USH1C: variants seen among roughly 807,000 people sequenced by gnomAD.
USH1C encodes the protein harmonin.
Under a neutral mutation model 119.3 loss-of-function variants are expected in USH1C, and 90 were observed. The observed-to-expected ratio is 0.75, with a 90% CI of 0.64 to 0.90. The LOEUF (loss-of-function observed/expected upper bound fraction) is 0.90. USH1C is among the 40% of genes least tolerant of loss of function. USH1C has a pLI of 0.00. For missense variants in USH1C, 1,165 were observed against 1,167.7 expected (o/e 1.00, Z 0.03); for synonymous variants, 465 against 443.3 (o/e 1.05, Z -0.62).
At chr11:17,537,767 T>A (rs917324089) in intron 1 of USH1C, among the ~76,000 whole-genome samples, 1 of 152,142 alleles carries the variant, frequency 6.6e-6, no homozygotes, top group Non-Finnish European at 1.5e-5. Flanking sequence ...GGCTCACTTA[T>A]CCCAGCCAGC....
intron 8 of USH1C, among the ~76,000 whole-genome samples, chr11:17,525,695 G>A (rs1398111637): frequency 6.6e-6 from 1 of 152,194 alleles, no homozygotes; most frequent in African/African-American, 2.4e-5. Context: ...TGCCTCTTAA[G>A]GAAGCCAACA....
At position 17,516,104 on chromosome 11, in the gene USH1C, T is replaced by C. The variant is rs1044202471; in HGVS notation, c.1260+137A>G. The C allele has an allele frequency of 2.0e-5, 19 of 946,696 alleles. No homozygotes were observed. In the African/African-American group the frequency reaches 2.9e-4, roughly 15 times the overall value. 58.6% of individuals were successfully genotyped at this position (946,696 alleles called of 1,614,324 possible). A position where few individuals can be genotyped will look rare whatever the true frequency, so the allele number is the denominator to read the frequency against. On this transcript the variant is annotated intron_variant, in intron 15 of 26. Coordinates refer to ENST00000005226, the MANE Select transcript of USH1C (RefSeq NM_153676.4). ...ATTTGATGTCAGCCTGACACAAAGA[T>C]GGAGATGGAGTTAGCCTTCCAAGTG...
chr11:17,498,755 C>T (rs59146517), intron 23 of USH1C, among the ~76,000 whole-genome samples: 69 of 152,326 alleles, frequency 4.5e-4, no homozygotes, highest in African/African-American at 1.5e-3. Flanking sequence ...CCCGCTCAGT[C>T]GAATGTAGAT....
intron 15 of USH1C, among the ~76,000 whole-genome samples, chr11:17,515,738 G>A (rs895623934): frequency 1.3e-5 from 2 of 152,152 alleles, no homozygotes; most frequent in African/African-American, 4.8e-5. Context: ...GCATTATCCT[G>A]GGCACATGCA....
intron 8 of USH1C, among the ~76,000 whole-genome samples, chr11:17,525,343 G>A (rs1400982772): frequency 6.6e-6 from 1 of 152,184 alleles, no homozygotes; most frequent in African/African-American, 2.4e-5. Context: ...CCAGAAAGGT[G>A]GGACTTTTTA....
intron 15 of USH1C, among the ~76,000 whole-genome samples, chr11:17,514,288 G>A (rs2003508): frequency 0.5 from 75,755 of 152,040 alleles, 19,931 homozygotes; most frequent in East Asian, 0.63. Context: ...GTGCAATCTC[G>A]GCTCACTGCA....
intron 21 of USH1C, 99 bp downstream of exon 21, chr11:17,501,840 G>A: frequency 7.2e-7 from 1 of 1,396,158 alleles, no homozygotes; most frequent in Non-Finnish European, 9.9e-7. Context: ...CCTCATCCCA[G>A]GACCCCAAGG....
In USH1C at chr11:17,533,257, G is replaced by A. The variant is rs1348962484; in HGVS notation, c.102C>T (p.His34=). 1.9e-6 allele frequency: 3 copies of A among 1,613,446 alleles called. No homozygotes were observed. Among genetic ancestry groups the A allele is most frequent in the East Asian group, 4.5e-5 (2 of 44,878 alleles). The change falls in exon 2 of 27, where the codon CAC becomes CAT. Residue 34 remains histidine (H), a splice_region_variant and synonymous_variant. Transcript: ENST00000005226. ...AGAGCTGGACCCAGCACACTTACTG[G>A]TGGTACATTCGCAGCACATCATAGA... is the stretch of plus-strand genomic sequence containing the variant. ...DYLYDVLRMY[H]QTMDVAVLVG...
intron 23 of USH1C, among the ~76,000 whole-genome samples, 169 bp downstream of exon 23, chr11:17,500,882 T>A (rs1254767887): frequency 6.6e-6 from 1 of 152,104 alleles, no homozygotes; most frequent in Non-Finnish European, 1.5e-5. Flanking sequence ...CCCGGCGCCA[T>A]CCCATGCCCC....
At chr11:17,541,687 G>C (rs1035102983) in intron 1 of USH1C, among the ~76,000 whole-genome samples, 1 of 152,208 alleles carries the variant, frequency 6.6e-6, no homozygotes, top group African/African-American at 2.4e-5. Context: ...CTAGTTACTG[G>C]AAGGGTATGC....
At chr11:17,500,374 G>C (rs1418296264) in intron 23 of USH1C, among the ~76,000 whole-genome samples, 3 of 152,192 alleles carry the variant, frequency 2.0e-5, no homozygotes, top group Non-Finnish European at 4.4e-5. Flanking sequence ...TAACCTCTCT[G>C]AGCCTCAGTT....
intron 20 of USH1C, among the ~76,000 whole-genome samples, chr11:17,503,799 T>A (rs1849535327): frequency 6.6e-6 from 1 of 152,212 alleles, no homozygotes; most frequent in African/African-American, 2.4e-5. Flanking sequence ...ATAAAATGGG[T>A]ATGATAATAG....
chr11:17,531,697 TG>T lies in USH1C; in HGVS notation c.105-156del, dbSNP rs1850993865. 1.3e-5 allele frequency among the ~76,000 whole-genome samples: 2 copies of T among 152,316 alleles called. No individual in the cohort carries two copies. The highest frequency in any genetic ancestry group is 1.3e-4 in the Admixed American group (2 of 15,302). On this transcript the variant is annotated intron_variant, in intron 2 of 26. Transcript: ENST00000005226. This position sits in a 1 kb window ranked among gnomAD's most constrained non-coding sequence, Gnocchi z 4.2. ...CCCAGAGCTCTTCACACCGGGCCAGTGCCTGAGAAGACTTTGTTCTCTTATA... is the reference window on the plus strand; with the variant it reads ...CCCAGAGCTCTTCACACCGGGCCAGTCCTGAGAAGACTTTGTTCTCTTATA...
At chr11:17,506,230 G>T (rs570062730) in intron 18 of USH1C, among the ~76,000 whole-genome samples, 8 of 152,304 alleles carry the variant, frequency 5.3e-5, no homozygotes, top group African/African-American at 1.7e-4. Context: ...GTGTCACCCA[G>T]GAGACACACT....
rs2133918412 is a variant in USH1C, at chr11:17,531,250, G to A, written c.291C>T (p.Gly97=). ...EVRLDRLHPE[G]LGLSVRGGLE... is the part of the protein sequence containing the mutation. Reference sequence around the variant, plus strand: ...GGCCACCACGCACACTCAGGCCGAGGCCTTCGGGGTGCAGACGGTCCAGAC... The same window carrying A: ...GGCCACCACGCACACTCAGGCCGAGACCTTCGGGGTGCAGACGGTCCAGAC... Residue 97 remains glycine, a synonymous_variant, in exon 4 of 27, where the codon GGC becomes GGT. Coordinates refer to ENST00000005226, the MANE Select transcript of USH1C (RefSeq NM_153676.4). This position sits in a 1 kb window ranked among gnomAD's most constrained non-coding sequence, Gnocchi z 4.2. 1.2e-6 allele frequency: 2 copies of A among 1,614,156 alleles called. No homozygotes were observed. The highest frequency in any genetic ancestry group is 8.5e-7 in the Non-Finnish European group (1 of 1,180,042).
chr11:17,542,650 G>T (rs543412621), intron 1 of USH1C, among the ~76,000 whole-genome samples: 3 of 152,182 alleles, frequency 2.0e-5, no homozygotes, highest in Non-Finnish European at 4.4e-5. Flanking sequence ...GAGAGAGCAG[G>T]TACCCCACAG....
intron 1 of USH1C, among the ~76,000 whole-genome samples, chr11:17,535,455 T>C (rs1197403348): frequency 6.6e-6 from 1 of 152,114 alleles, no homozygotes; most frequent in Non-Finnish European, 1.5e-5. Context: ...TTCAATTCCT[T>C]CACAGATCGA....
At chr11:17,527,120 C>T in intron 5 of USH1C, 80 bp from the exon 6 acceptor site, 1 of 911,802 alleles carries the variant, frequency 1.1e-6, no homozygotes, top group Non-Finnish European at 1.3e-6. Context: ...TGACCTGCTC[C>T]CCCGCCCTCC....
chr11:17,498,792 A>G (rs2270024), intron 23 of USH1C, among the ~76,000 whole-genome samples: 91,224 of 152,024 alleles, frequency 0.6, 28,256 homozygotes, highest in Non-Finnish European at 0.67. Flanking sequence ...CAGCATCCCA[A>G]TCTTTTCTTA....
Sources: gnomAD v4.1 joint callset for allele counts (sites outside exome capture counted in the v4.1 genomes callset) on GRCh38, gnomAD v4.1.1 for gene constraint, Gnocchi (gnomAD v3.1) non-coding constraint, MANE v1.5 for transcripts, NCBI Gene and HGNC (gene_info 2026-07-23, HGNC 2026-07-21) for gene names.